PDZD7: variants seen among roughly 807,000 people sequenced by gnomAD.
PDZD7 encodes the protein PDZ domain containing 7, also known as PDZ domain-containing protein 7.
PDZD7 carries 72 observed loss-of-function variants against 84.7 expected under a neutral mutation model. That is an observed-to-expected ratio of 0.85 (90% CI 0.70 to 1.03). PDZD7 has a LOEUF of 1.03. Among genes scored for constraint, PDZD7 ranks in the 50% least tolerant of loss-of-function variants. The probability of loss-of-function intolerance (pLI) is 0.00; values close to 1 mark genes in which losing one functional copy is unlikely to be tolerated. For synonymous variants in PDZD7, 594 were observed against 580.7 expected (o/e 1.02, Z -0.33); for missense variants, 1,490 against 1,412.9 (o/e 1.05, Z -0.87).
At chr10:101,018,711 G>A in intron 8 of PDZD7, 111 bp downstream of exon 8, 1 of 1,384,028 alleles carries the variant, frequency 7.2e-7, no homozygotes. Flanking sequence ...GGTTGGGCAA[G>A]GGCTTCGTCA....
intron 7 of PDZD7, among the ~76,000 whole-genome samples, chr10:101,019,583 CTCCTCT>C (rs1852953286): frequency 8.0e-6 from 1 of 125,698 alleles, no homozygotes; most frequent in African/African-American, 3.4e-5. Context: ...CCTCCTCCTC[CTCCTCT>C]TCTTCTTCTT....
At chr10:101,013,689 A>G (rs1852475957) in intron 11 of PDZD7, among the ~76,000 whole-genome samples, 1 of 152,170 alleles carries the variant, frequency 6.6e-6, no homozygotes, top group Non-Finnish European at 1.5e-5. Flanking sequence ...GTATAAACCT[A>G]TGCGGCGGCC....
At chr10:101,013,759 A>AGCCAAAGACAATGGGTCACCTCT (rs1467545377) in intron 11 of PDZD7, among the ~76,000 whole-genome samples, 3 of 151,846 alleles carry the variant, frequency 2.0e-5, no homozygotes, top group Non-Finnish European at 4.4e-5. Context: ...CGAATGTGAG[A>AGCCAAAGACAATGGGTCACCTCT]GCCAAAGACA....
intron 11 of PDZD7, among the ~76,000 whole-genome samples, chr10:101,015,093 A>G (rs1351972191): frequency 2.0e-5 from 3 of 152,234 alleles, no homozygotes; most frequent in Admixed American, 2.0e-4. Flanking sequence ...AAGAGAACAG[A>G]GAACGACAGT....
chr10:101,024,763 CCT>C (rs554181396), intron 2 of PDZD7, among the ~76,000 whole-genome samples: 460 of 148,426 alleles, frequency 3.1e-3, no homozygotes, highest in African/African-American at 0.011. Context: ...GAGTGAGACC[CCT>C]GTCTCAAAAA....
chr10:101,024,252 A>AT (rs1405860746), intron 2 of PDZD7, among the ~76,000 whole-genome samples, 184 bp from the exon 3 acceptor site: 2 of 152,002 alleles, frequency 1.3e-5, no homozygotes, highest in African/African-American at 4.8e-5. Context: ...TTTTTATGTT[A>AT]TTTTTTAAAG....
In PDZD7 at chr10:101,030,241, C is replaced by T. The variant is rs1216049379; in HGVS notation, c.-22G>A. On this transcript the variant is annotated 5_prime_UTR_variant, in exon 2 of 17. In the 5' UTR this introduces an upstream ATG that the reference lacks. Transcript: ENST00000619208. The stretch of plus-strand genomic sequence containing the variant: ...CCATGGCGGCTGGGCTAGGGCGGCA[C>T]CCTACAGGTCCAGAAGGAATCTGCT... 1 of 1,568,174 alleles carries T rather than the reference C, an allele frequency of 6.4e-7. No homozygotes were observed. Among genetic ancestry groups the T allele is most frequent in the East Asian group, 2.3e-5 (1 of 43,500 alleles).
Position 101,008,681 on chromosome 10 carries a change from G to A in PDZD7, c.2888C>T (p.Ala963Val). 1 of 1,536,022 alleles carries A rather than the reference G, an allele frequency of 6.5e-7. No individual in the cohort carries two copies. Among genetic ancestry groups the A allele is most frequent in the Non-Finnish European group, 8.7e-7 (1 of 1,146,862 alleles). Residue 963 changes from alanine (A) to valine (V), a missense_variant, in exon 17 of 17, where the codon GCC becomes GTC. Physicochemically the swap from Ala to Val is moderately conservative, Grantham distance 64. Transcript: ENST00000619208. ...AGCAGGAAGGCCCCCATCAGTAAGG[G>A]CTGATGAGTCAGAGGGTGAGGGCCG... ...SPRPSPSDSSALTDGGLPADH... is the reference protein window; with the variant it reads ...SPRPSPSDSSVLTDGGLPADH...
chr10:101,012,032 A>G lies in PDZD7; in HGVS notation c.1842-16T>C. 6.5e-7 allele frequency: 1 copy of G among 1,548,030 alleles called. No homozygotes were observed. Among genetic ancestry groups the G allele is most frequent in the Non-Finnish European group, 8.7e-7 (1 of 1,144,894 alleles). On this transcript the variant is annotated splice_polypyrimidine_tract_variant and intron_variant, in intron 12 of 16. Transcript: ENST00000619208. ...CACCACACTCCTGGGAGAGGGCGAG[A>G]GACAGCAGGGGTGGGAGGGGCAGGC...
In PDZD7 at chr10:101,010,855, CG is replaced by C; in HGVS notation, c.2033del (p.Pro678ArgfsTer2). On this transcript the variant is annotated frameshift_variant, in exon 15 of 17. Coordinates refer to ENST00000619208, the MANE Select transcript of PDZD7 (RefSeq NM_001195263.2). LOFTEE classifies it high-confidence loss of function. ...CTTCCTCTTCCGGGAAGCCGTTCAC[CG>C]GCAGCAGGTAGAAGCCTCCGCGGCT... ...PDSRGGFYLL[P>X]VNGFPEEEDN... The C allele has an allele frequency of 6.5e-7, 1 of 1,534,480 alleles. No homozygotes were observed.
Position 101,019,093 on chromosome 10 carries a change from G to C in PDZD7, c.1053C>G (p.Leu351=), listed in dbSNP as rs1031596605. 5 of 1,562,932 alleles carry C rather than the reference G, an allele frequency of 3.2e-6. No individual in the cohort carries two copies. Among genetic ancestry groups the C allele is most frequent in the Non-Finnish European group, 4.3e-6 (5 of 1,161,424 alleles). ...SLPSDRMDIC[L]GQEEPGSRGP... ...CGCGGCTGCCGGGCTCCTCCTGCCC[G>C]AGGCAGATGTCCATGCGGTCCGACG... is the stretch of plus-strand genomic sequence containing the variant. Residue 351 remains leucine, a synonymous_variant, in exon 8 of 17, where the codon CTC becomes CTG. Transcript: ENST00000619208.
intron 4 of PDZD7, 93 bp from the exon 5 acceptor site, chr10:101,022,478 G>T: frequency 6.6e-7 from 1 of 1,513,472 alleles, no homozygotes; most frequent in East Asian, 2.3e-5. Context: ...GGAAAGTGGG[G>T]GTTGCCTTTG....
At chr10:101,012,380 T>G in intron 11 of PDZD7, 122 bp from the exon 12 acceptor site, 1 of 841,182 alleles carries the variant, frequency 1.2e-6, no homozygotes. Context: ...CCTGCGTGCC[T>G]TGGGAAAGGT....
In PDZD7 at chr10:101,021,815, T is replaced by C. The variant is rs1564637087; in HGVS notation, c.850A>G (p.Ile284Val). The change falls in exon 6 of 17, where the codon ATC becomes GTC. Residue 284 changes from isoleucine to valine, a missense_variant. Coordinates refer to ENST00000619208, the MANE Select transcript of PDZD7 (RefSeq NM_001195263.2). Reference sequence around the variant, plus strand: ...CTGCCCACCTTGATGGTCAGCATGATGTGCGTTTGGCCCTTCAGCACCTCC... The same window carrying C: ...CTGCCCACCTTGATGGTCAGCATGACGTGCGTTTGGCCCTTCAGCACCTCC... ...AVEVLKGQTH[I>V]MLTIKETGRY... The C allele has an allele frequency of 6.2e-7, 1 of 1,614,202 alleles. No individual in the cohort carries two copies. Among genetic ancestry groups the C allele is most frequent in the South Asian group, 1.1e-5 (1 of 91,084 alleles).
chr10:101,018,497 T>TC (rs1487276078), intron 8 of PDZD7, among the ~76,000 whole-genome samples: 1 of 152,150 alleles, frequency 6.6e-6, no homozygotes, highest in Admixed American at 6.5e-5. Context: ...GTAAGGAATC[T>TC]CCCTTGAGGC....
At chr10:101,014,905 C>G (rs1442325193) in intron 11 of PDZD7, among the ~76,000 whole-genome samples, 1 of 152,206 alleles carries the variant, frequency 6.6e-6, no homozygotes, top group Non-Finnish European at 1.5e-5. Flanking sequence ...TGTGCAGACT[C>G]CTCACAAAGA....
chr10:101,016,717 G>C (rs1267351711), intron 9 of PDZD7, among the ~76,000 whole-genome samples: 1 of 152,230 alleles, frequency 6.6e-6, no homozygotes, highest in East Asian at 1.9e-4. Flanking sequence ...CAGGGACAGA[G>C]CTTGGAGAAG....
rs183408047 is a variant in PDZD7, at chr10:101,019,389, T to C, written c.929-172A>G. On this transcript the variant is annotated intron_variant, in intron 7 of 16. Coordinates refer to ENST00000619208, the MANE Select transcript of PDZD7 (RefSeq NM_001195263.2). ...GAAATGCTGCCACTGACCTAAGGCA[T>C]GTCACTTCTCAAATCACCCACTGGG... 6.8e-4 allele frequency among the ~76,000 whole-genome samples: 104 copies of C among 152,260 alleles called. 3 individuals are homozygous for C. Among genetic ancestry groups the C allele is most frequent in the African/African-American group, 2.4e-3 (99 of 41,568 alleles).
At chr10:101,016,588 G>C (rs1852641219) in intron 9 of PDZD7, among the ~76,000 whole-genome samples, 161 bp from the exon 10 acceptor site, 1 of 152,220 alleles carries the variant, frequency 6.6e-6, no homozygotes, top group South Asian at 2.1e-4. Flanking sequence ...CAATGCTCAG[G>C]CTATGGACTT....
Sources: allele counts gnomAD v4.1 joint callset (sites outside exome capture counted in the v4.1 genomes callset), GRCh38; gene constraint gnomAD v4.1.1; transcripts MANE v1.5; gene names NCBI Gene and HGNC (gene_info 2026-07-23, HGNC 2026-07-21).